Variants in FBXW11 observed in about 807,000 individuals in gnomAD.
The protein encoded by FBXW11 is F-box and WD repeat domain containing 11.
In FBXW11, 19 loss-of-function variants were observed where a neutral mutation model predicts 77.6. That is an observed-to-expected ratio of 0.24 (90% CI 0.17 to 0.36). The LOEUF (loss-of-function observed/expected upper bound fraction) is 0.36. FBXW11 is among the 10% of genes least tolerant of loss of function. The pLI, the probability that FBXW11 is intolerant of heterozygous loss-of-function variation, is 1.00. For missense variants in FBXW11, 334 were observed against 704.2 expected (o/e 0.47, Z 5.95); for synonymous variants, 235 against 249.4 (o/e 0.94, Z 0.54).
At chr5:171,963,918 T>C (rs1279272476) in intron 1 of FBXW11, among the ~76,000 whole-genome samples, 1 of 152,178 alleles carries the variant, frequency 6.6e-6, no homozygotes, top group African/African-American at 2.4e-5. Flanking sequence ...ATATTACGGA[T>C]TTTGTTAAAG....
In FBXW11 at chr5:171,961,664, T is replaced by C. The variant is rs552998832; in HGVS notation, c.46-3966A>G. Among the ~76,000 whole-genome samples, 58 of 152,304 alleles carry C rather than the reference T, an allele frequency of 3.8e-4. 3 individuals carry two copies. In the South Asian group the frequency reaches 0.011, roughly 28 times the overall value. ...ACAGTAATTGATTTTTTTTTTCTTT[T>C]GAGATGGAGCCTCGCTCTGTCACCC... On this transcript the variant is annotated intron_variant, in intron 1 of 13. Coordinates refer to ENST00000517395, the MANE Select transcript of FBXW11 (RefSeq NM_001378974.1).
chr5:171,968,716 C>G (rs1407385910), intron 1 of FBXW11, among the ~76,000 whole-genome samples: 1 of 152,168 alleles, frequency 6.6e-6, no homozygotes, highest in African/African-American at 2.4e-5. Context: ...GACATCTGCT[C>G]TCATTTATAC....
At position 171,862,265 on chromosome 5, in the gene FBXW11, CTT is replaced by C. The variant is rs1757137344; in HGVS notation, c.*1860_*1861del. ...TATGAATGGAGGTTTATTGTTTACACTTTGAGACTCAACCTCTCAAAAACATA... is the reference window on the plus strand; with the variant it reads ...TATGAATGGAGGTTTATTGTTTACACTGAGACTCAACCTCTCAAAAACATA... On this transcript the variant is annotated 3_prime_UTR_variant, in exon 14 of 14. Transcript: ENST00000517395. The C allele has an allele frequency of 1.3e-5, 2 of 152,634 alleles. No individual in the cohort carries two copies. Among genetic ancestry groups the C allele is most frequent in the Non-Finnish European group, 2.9e-5 (2 of 68,036 alleles). 9.5% of individuals were successfully genotyped at this position (152,634 alleles called of 1,614,324 possible). A position where few individuals can be genotyped will look rare whatever the true frequency, so the allele number is the denominator to read the frequency against.
At chr5:171,881,347 T>G (rs1399583362) in intron 7 of FBXW11, among the ~76,000 whole-genome samples, 4 of 152,226 alleles carry the variant, frequency 2.6e-5, no homozygotes, top group Non-Finnish European at 5.9e-5. Context: ...AGCTATAGGC[T>G]TTTTGTAGAT....
intron 1 of FBXW11, among the ~76,000 whole-genome samples, chr5:171,960,922 C>T (rs1763874135): frequency 1.3e-5 from 2 of 152,158 alleles, no homozygotes; most frequent in Non-Finnish European, 2.9e-5. Context: ...TTAAAAGACC[C>T]TCTGAGGGTC....
At chr5:171,908,115 T>A (rs565755800) in intron 4 of FBXW11, among the ~76,000 whole-genome samples, 1 of 151,628 alleles carries the variant, frequency 6.6e-6, no homozygotes, top group South Asian at 2.1e-4. Context: ...AAAAAAAGAC[T>A]CTGTCTTTTC....
chr5:171,871,660 T>C (rs1757760469), intron 10 of FBXW11, among the ~76,000 whole-genome samples: 1 of 152,190 alleles, frequency 6.6e-6, no homozygotes, highest in Non-Finnish European at 1.5e-5. Context: ...TAGAAAAAAA[T>C]CATAGCTAGT....
intron 1 of FBXW11, among the ~76,000 whole-genome samples, chr5:172,001,805 G>A (rs768627928): frequency 4.2e-4 from 64 of 152,192 alleles, no homozygotes; most frequent in Admixed American, 3.5e-3. Flanking sequence ...AGATTGCTGA[G>A]ATATAACCTA....
intron 1 of FBXW11, among the ~76,000 whole-genome samples, chr5:171,968,518 T>C (rs1019249638): frequency 6.6e-6 from 1 of 151,972 alleles, no homozygotes; most frequent in African/African-American, 2.4e-5. Flanking sequence ...CCTCCATTCA[T>C]TTCAATGCTT....
At chr5:171,882,875 T>C (rs1321460876) in intron 7 of FBXW11, among the ~76,000 whole-genome samples, 1 of 152,110 alleles carries the variant, frequency 6.6e-6, no homozygotes, top group Non-Finnish European at 1.5e-5. Context: ...GAGATTCTGG[T>C]GCACTCATCA....
chr5:171,993,442 C>A (rs1765861341), intron 1 of FBXW11, among the ~76,000 whole-genome samples: 1 of 151,644 alleles, frequency 6.6e-6, no homozygotes, highest in South Asian at 2.1e-4. Context: ...GTAAAACCCC[C>A]TCTCTACTAA....
At chr5:171,886,938 G>A (rs1236482639) in intron 7 of FBXW11, among the ~76,000 whole-genome samples, 1 of 152,116 alleles carries the variant, frequency 6.6e-6, no homozygotes, top group Admixed American at 6.5e-5. Flanking sequence ...TCGCTCACTT[G>A]AACCCAGGAG....
At chr5:171,889,229 T>C (rs1447261811) in intron 7 of FBXW11, among the ~76,000 whole-genome samples, 1 of 152,152 alleles carries the variant, frequency 6.6e-6, no homozygotes, top group African/African-American at 2.4e-5. Flanking sequence ...TTGGACTTCA[T>C]CAAAATTAAA....
At chr5:171,955,516 A>C (rs1284037269) in intron 2 of FBXW11, among the ~76,000 whole-genome samples, 4 of 152,148 alleles carry the variant, frequency 2.6e-5, no homozygotes, top group Non-Finnish European at 5.9e-5. Flanking sequence ...AAATTTTAGC[A>C]CTGTTTGGAG....
intron 1 of FBXW11, among the ~76,000 whole-genome samples, chr5:171,978,719 C>T (rs1764980012): frequency 6.6e-6 from 1 of 152,340 alleles, no homozygotes; most frequent in Non-Finnish European, 1.5e-5. Flanking sequence ...AGGGCAGCAG[C>T]AGTGCCCCAG....
Position 171,960,730 on chromosome 5 carries a change from TA to T in FBXW11, c.46-3033del, listed in dbSNP as rs1321333032. On this transcript the variant is annotated intron_variant, in intron 1 of 13. Coordinates refer to ENST00000517395, the MANE Select transcript of FBXW11 (RefSeq NM_001378974.1). ...TAAATCCAAATTAGAAAAACAATGA[TA>T]TTATCAAGGCTTTTTAACCATTTAA... 2.0e-5 allele frequency among the ~76,000 whole-genome samples: 3 copies of T among 152,336 alleles called. No individual in the cohort carries two copies. The East Asian group carries it at 5.8e-4, about 29-fold the overall frequency.
intron 2 of FBXW11, among the ~76,000 whole-genome samples, chr5:171,938,960 G>C (rs1352510371): frequency 6.6e-6 from 1 of 152,192 alleles, no homozygotes; most frequent in East Asian, 1.9e-4. Context: ...GATAGGCCAG[G>C]CGCAGTGGCT....
At chr5:171,926,584 C>T (rs1016207467) in intron 2 of FBXW11, among the ~76,000 whole-genome samples, 1 of 152,188 alleles carries the variant, frequency 6.6e-6, no homozygotes, top group African/African-American at 2.4e-5. Flanking sequence ...CTCTCTCTTC[C>T]TCCTGCTCCG....
intron 6 of FBXW11, 139 bp downstream of exon 6, chr5:171,898,863 GAC>G (rs1759925179): frequency 2.1e-6 from 1 of 487,724 alleles, no homozygotes; most frequent in Admixed American, 3.8e-5. Context: ...TATACAACAT[GAC>G]ACATTTACTC....
Sources: gnomAD v4.1 joint callset for allele counts (sites outside exome capture counted in the v4.1 genomes callset) on GRCh38, gnomAD v4.1.1 for gene constraint, MANE v1.5 for transcripts, NCBI Gene and HGNC (gene_info 2026-07-23, HGNC 2026-07-21) for gene names.